Variants in IQCE observed in about 807,000 individuals in gnomAD.
IQCE encodes IQ domain-containing protein E.
Under a neutral mutation model 96.0 loss-of-function variants are expected in IQCE, and 115 were observed. The observed-to-expected ratio is 1.20, with a 90% CI of 1.03 to 1.40. The LOEUF is 1.40. Ranked by LOEUF, IQCE falls within the 40% of genes most tolerant of loss-of-function variation. IQCE has a pLI of 0.00. For synonymous variants in IQCE, 412 were observed against 371.2 expected (o/e 1.11, Z -1.26); for missense variants, 1,041 against 909.1 (o/e 1.15, Z -1.87).
intron 5 of IQCE, 116 bp downstream of exon 5, chr7:2,572,442 C>T (rs950408000): frequency 9.4e-6 from 11 of 1,166,518 alleles, no homozygotes; most frequent in Middle Eastern, 2.5e-4. Flanking sequence ...TGCATGAGCT[C>T]CGTCACTGGG....
At chr7:2,573,384 T>C (rs1180640671) in intron 5 of IQCE, 34 bp from the exon 6 acceptor site, 3 of 984,098 alleles carry the variant, frequency 3.0e-6, no homozygotes, top group East Asian at 2.4e-5. Flanking sequence ...ACTTTGTAGA[T>C]AGTCTTTGAA....
In IQCE at chr7:2,607,205, A is replaced by C. The variant is rs746177847; in HGVS notation, c.1947A>C (p.Pro649=). ...CCACACACGGGGACGCCTCCTCCCC[A>C]CCCTTCCTCGCAGCTCTTCCTGGTA... The part of the protein sequence containing the change: ...ASATHGDASS[P]PFLAALPDPS... The change falls in exon 21 of 22, where the codon CCA becomes CCC. Residue 649 remains proline, a synonymous_variant. Coordinates refer to ENST00000402050, the MANE Select transcript of IQCE (RefSeq NM_152558.5). The C allele has an allele frequency of 1.1e-5, 17 of 1,613,434 alleles. No individual in the cohort carries two copies. In the African/African-American group the frequency reaches 2.3e-4, roughly 22 times the overall value.
intron 19 of IQCE, among the ~76,000 whole-genome samples, chr7:2,605,364 T>TA (rs1044044274): frequency 6.1e-4 from 93 of 152,260 alleles, no homozygotes; most frequent in African/African-American, 2.1e-3. Context: ...CTCACACCTG[T>TA]AATCCCAGCA....
chr7:2,593,187 G>A (rs1583477265), intron 15 of IQCE, 61 bp downstream of exon 15: 4 of 1,532,830 alleles, frequency 2.6e-6, no homozygotes, highest in Non-Finnish European at 3.5e-6. Context: ...TGCTACCACT[G>A]CGGCCCCCCG....
intron 6 of IQCE, among the ~76,000 whole-genome samples, chr7:2,577,996 A>C (rs1253822147): frequency 7.2e-6 from 1 of 139,052 alleles, no homozygotes. Context: ...GCGTGTGCGC[A>C]TTGGCGTGTA....
chr7:2,586,555 C>T (rs1000833431), intron 12 of IQCE, among the ~76,000 whole-genome samples, 184 bp downstream of exon 12: 3 of 152,200 alleles, frequency 2.0e-5, no homozygotes, highest in Admixed American at 6.5e-5. Flanking sequence ...GGGATGGAGC[C>T]GCAAACAGAA....
Position 2,571,476 on chromosome 7 carries a change from C to T in IQCE, c.131-50C>T, listed in dbSNP as rs536786008. On this transcript the variant is annotated intron_variant, in intron 3 of 21. Coordinates refer to ENST00000402050, the MANE Select transcript of IQCE (RefSeq NM_152558.5). ...GTCTTTCTGAAGTTCATGTGTTGAG[C>T]TCACATGTTGCTGTCCGGCACCTCT... is the stretch of plus-strand genomic sequence containing the variant. 3.5e-5 allele frequency: 56 copies of T among 1,600,052 alleles called. 1 individual carries two copies. In the South Asian group the frequency reaches 5.8e-4, roughly 17 times the overall value.
At chr7:2,605,730 C>T in intron 19 of IQCE, 146 bp from the exon 20 acceptor site, 1 of 697,104 alleles carries the variant, frequency 1.4e-6, no homozygotes, top group Non-Finnish European at 2.1e-6. Context: ...GTTCACTGAC[C>T]AGCAATTCCC....
chr7:2,583,987 G>A (rs1439613636), intron 10 of IQCE, among the ~76,000 whole-genome samples: 7 of 147,760 alleles, frequency 4.7e-5, no homozygotes, highest in East Asian at 2.0e-4. Context: ...GCTGGGTGGC[G>A]GGGCGGAGGG....
intron 10 of IQCE, 77 bp from the exon 11 acceptor site, chr7:2,584,159 G>A: frequency 7.8e-7 from 1 of 1,279,556 alleles, no homozygotes; most frequent in Non-Finnish European, 1.1e-6. Context: ...GGTCAGGACT[G>A]TGATGTTGGT....
rs774172283 is a variant in IQCE, at chr7:2,578,355, C to G, written c.579C>G (p.Arg193=). ...TAGAGCAGCTCCTGGATCCCAGCCG[C>G]GTAAGCTCCTGGCGCTTCACGGACG... ...RQIEQLLDPS[R]GTDFVRTLAE... The change falls in exon 7 of 22, where the codon CGC becomes CGG. Residue 193 remains arginine, a splice_region_variant and synonymous_variant. Transcript: ENST00000402050. The G allele has an allele frequency of 6.2e-6, 10 of 1,613,384 alleles. No individual in the cohort carries two copies. The highest frequency in any genetic ancestry group is 7.6e-6 in the Non-Finnish European group (9 of 1,179,650).
intron 11 of IQCE, among the ~76,000 whole-genome samples, chr7:2,584,822 C>T (rs1217753939): frequency 1.3e-5 from 2 of 152,312 alleles, no homozygotes; most frequent in Admixed American, 6.5e-5. Context: ...TTTTTCTTTA[C>T]CCCTAATCCT....
At chr7:2,566,663 G>A (rs1781399717) in intron 1 of IQCE, 1 of 174,974 alleles carries the variant, frequency 5.7e-6, no homozygotes, top group Non-Finnish European at 1.2e-5. Context: ...TGTAGAGACA[G>A]TGTCTCACCA....
chr7:2,606,031 C>T (rs1345805592), intron 20 of IQCE, 34 bp downstream of exon 20: 18 of 1,584,476 alleles, frequency 1.1e-5, no homozygotes, highest in Non-Finnish European at 1.5e-5. Flanking sequence ...GGGACACAGA[C>T]ATGGCACGAG....
intron 17 of IQCE, among the ~76,000 whole-genome samples, chr7:2,599,824 G>A (rs1211298941): frequency 5.5e-5 from 8 of 146,114 alleles, no homozygotes; most frequent in South Asian, 2.2e-4. Flanking sequence ...ATGGAGTTTC[G>A]CTCTTGTGGC....
At chr7:2,594,805 C>G (rs1054035193) in intron 15 of IQCE, 81 bp from the exon 16 acceptor site, 3 of 989,554 alleles carry the variant, frequency 3.0e-6, no homozygotes, top group African/African-American at 1.6e-5. Context: ...CCGCCTGGAC[C>G]GCCCGCCCCA....
intron 6 of IQCE, 94 bp from the exon 7 acceptor site, chr7:2,578,148 C>A: frequency 1.1e-6 from 1 of 933,632 alleles, no homozygotes. Flanking sequence ...GGCGTGCCCG[C>A]ATTGGCGTGT....
intron 1 of IQCE, among the ~76,000 whole-genome samples, chr7:2,565,344 C>T (rs556190205): frequency 5.3e-5 from 8 of 152,070 alleles, no homozygotes; most frequent in Admixed American, 1.3e-4. Flanking sequence ...GTCCTGACTG[C>T]GTTTCACCTC....
At chr7:2,573,927 A>G (rs1157195511) in intron 6 of IQCE, among the ~76,000 whole-genome samples, 2 of 152,158 alleles carry the variant, frequency 1.3e-5, no homozygotes, top group African/African-American at 4.8e-5. Context: ...ACCACTTGTT[A>G]CAACCACAGT....
Sources: gnomAD v4.1 joint callset for allele counts (sites outside exome capture counted in the v4.1 genomes callset) on GRCh38, gnomAD v4.1.1 for gene constraint, MANE v1.5 for transcripts, NCBI Gene and HGNC (gene_info 2026-07-23, HGNC 2026-07-21) for gene names.